SLC25A43: variants seen among roughly 807,000 people sequenced by gnomAD.
The protein encoded by SLC25A43 is solute carrier family 25, member 43.
A neutral mutation model predicts 22.8 loss-of-function variants in SLC25A43; 10 were observed. The ratio of observed to expected loss-of-function variants is 0.44; its 90% CI spans 0.27 to 0.74. The LOEUF (loss-of-function observed/expected upper bound fraction) is 0.74. SLC25A43 is among the 30% of genes least tolerant of loss of function. The pLI, the probability that SLC25A43 is intolerant of heterozygous loss-of-function variation, is 0.17. For synonymous variants in SLC25A43, 106 were observed against 121.6 expected (o/e 0.87, Z 0.84); for missense variants, 233 against 279.1 (o/e 0.83, Z 1.18).
chrX:119,401,808 G>A (rs762007482), intron 1 of SLC25A43, among the ~76,000 whole-genome samples: 33 of 110,392 alleles, frequency 3.0e-4, no homozygotes, highest in Non-Finnish European at 5.9e-4. Context: ...GATGACTAGA[G>A]AGGAGGAAGA....
Position 119,452,795 on chromosome X carries a change from A to C in SLC25A43, c.826-70A>C, listed in dbSNP as rs2052716287. The C allele has an allele frequency of 6.9e-6, 6 of 868,404 alleles. No homozygotes were observed. The Admixed American group carries it at 1.3e-4, about 19-fold the overall frequency. The allele number at this position is 868,404 out of a possible 1,213,427, so 71.6% of individuals were successfully genotyped here. A position where few individuals can be genotyped will look rare whatever the true frequency, so the allele number is the denominator to read the frequency against. ...TTACAAGATAATTTACCCTGATCCA[A>C]GTTGACTGCAGACACATTGATGTTT... On this transcript the variant is annotated intron_variant, in intron 4 of 4. Coordinates refer to ENST00000217909, the MANE Select transcript of SLC25A43 (RefSeq NM_145305.3).
intron 1 of SLC25A43, among the ~76,000 whole-genome samples, chrX:119,401,786 G>A (rs192766461): frequency 1.6e-4 from 18 of 110,384 alleles, no homozygotes; most frequent in Non-Finnish European, 2.6e-4. Context: ...TCGTCACATC[G>A]TGGCAGAGTA....
chrX:119,442,951 A>T (rs1181888460), intron 3 of SLC25A43, among the ~76,000 whole-genome samples: 1 of 111,345 alleles, frequency 9.0e-6, no homozygotes, highest in East Asian at 2.8e-4. Context: ...AAGGCACTAG[A>T]GATACGAAAA....
At chrX:119,403,577 C>T (rs1238567294) in intron 1 of SLC25A43, among the ~76,000 whole-genome samples, 3 of 112,063 alleles carry the variant, frequency 2.7e-5, no homozygotes, top group Non-Finnish European at 5.6e-5. Flanking sequence ...CGTGAGCCAC[C>T]ACGCCCAGCC....
At chrX:119,445,038 CAAAAAAAAAAA>C (rs780253357) in intron 3 of SLC25A43, among the ~76,000 whole-genome samples, 7 of 35,530 alleles carry the variant, frequency 2.0e-4, no homozygotes, top group African/African-American at 6.1e-4. Flanking sequence ...ACCCTGTCTC[CAAAAAAAAAAA>C]AAAAAAAAAA....
chrX:119,402,357 C>T (rs2052245800), intron 1 of SLC25A43, among the ~76,000 whole-genome samples: 1 of 111,685 alleles, frequency 9.0e-6, no homozygotes, highest in Non-Finnish European at 1.9e-5. Context: ...GATTGACGAT[C>T]AAGAGTCCAC....
intron 3 of SLC25A43, among the ~76,000 whole-genome samples, chrX:119,433,792 A>C (rs968948900): frequency 5.4e-5 from 6 of 111,709 alleles, no homozygotes; most frequent in African/African-American, 2.0e-4. Flanking sequence ...AGGTACTGGG[A>C]GTAGAGCTGA....
At position 119,452,978 on chromosome X, in the gene SLC25A43, C is replaced by T. The variant is rs776320551; in HGVS notation, c.939C>T (p.Val313=). 9 of 1,210,931 alleles carry T rather than the reference C, an allele frequency of 7.4e-6. No individual in the cohort carries two copies. The South Asian group carries it at 1.4e-4, about 19-fold the overall frequency. The change falls in exon 5 of 5, where the codon GTC becomes GTT. Residue 313 remains valine, a synonymous_variant. Transcript: ENST00000217909. ...TGAGCTATAAATTGACCCCAGGAGT[C>T]GATCAGAGTTTGCAGCCCCAGGAAT... ...SPLSYKLTPG[V]DQSLQPQELR...
chrX:119,430,288 C>T (rs887698576), intron 3 of SLC25A43, among the ~76,000 whole-genome samples: 7 of 112,628 alleles, frequency 6.2e-5, no homozygotes, highest in Non-Finnish European at 1.3e-4. Context: ...AATTCTTTAG[C>T]GCTTGCTCTA....
At chrX:119,413,680 C>A (rs1194445304) in intron 3 of SLC25A43, among the ~76,000 whole-genome samples, 1 of 103,825 alleles carries the variant, frequency 9.6e-6, no homozygotes, top group Non-Finnish European at 2.0e-5. Context: ...GCACTCCAGC[C>A]TGGGCGACAG....
At position 119,400,195 on chromosome X, in the gene SLC25A43, C is replaced by T. The variant is rs189170517; in HGVS notation, c.275+517C>T. Among the ~76,000 whole-genome samples the T allele has an allele frequency of 2.2e-3, 238 of 110,196 alleles. 3 individuals are homozygous for T. Among genetic ancestry groups the T allele is most frequent in the African/African-American group, 7.2e-3 (218 of 30,298 alleles). On this transcript the variant is annotated intron_variant, in intron 1 of 4. Transcript: ENST00000217909. ...AAAAGGCCGCAGATTTTTGCCCACA[C>T]ATCTCCCCAACTTAAATGAAGCTTG...
At position 119,410,375 on chromosome X, in the gene SLC25A43, C is replaced by T. The variant is rs1229065745; in HGVS notation, c.690+13C>T. On this transcript the variant is annotated intron_variant, in intron 3 of 4. Coordinates refer to ENST00000217909, the MANE Select transcript of SLC25A43 (RefSeq NM_145305.3). ...GAGAAAGATGCAGGTGAGGAGTTAT[C>T]AGAGTGGGGTAGGGGGTGGAATGCT... 1.7e-6 allele frequency: 2 copies of T among 1,209,110 alleles called. No individual in the cohort carries two copies. The highest frequency in any genetic ancestry group is 3.5e-5 in the South Asian group (2 of 56,841).
intron 3 of SLC25A43, among the ~76,000 whole-genome samples, chrX:119,427,252 C>T (rs2052514758): frequency 8.9e-6 from 1 of 111,866 alleles, no homozygotes; most frequent in African/African-American, 3.2e-5. Flanking sequence ...CAACCCCCAC[C>T]CCCAATCACC....
intron 3 of SLC25A43, among the ~76,000 whole-genome samples, chrX:119,443,722 TTTTATTTA>T (rs771760005): frequency 7.5e-5 from 8 of 106,790 alleles, no homozygotes; most frequent in African/African-American, 2.4e-4. Flanking sequence ...GAGAATTATT[TTTTATTTA>T]TTTATTTATT....
intron 1 of SLC25A43, among the ~76,000 whole-genome samples, chrX:119,402,106 A>G: frequency 8.9e-6 from 1 of 112,361 alleles, no homozygotes; most frequent in Non-Finnish European, 1.9e-5. Flanking sequence ...CTCTTGATTC[A>G]TCATTATACT....
chrX:119,426,941 G>C (rs966748862), intron 3 of SLC25A43, among the ~76,000 whole-genome samples: 2 of 111,545 alleles, frequency 1.8e-5, no homozygotes, highest in Non-Finnish European at 3.8e-5. Flanking sequence ...GATGAGCAGC[G>C]ACAGGAATCG....
At chrX:119,408,441 T>G (rs1442016666) in intron 2 of SLC25A43, among the ~76,000 whole-genome samples, 1 of 111,193 alleles carries the variant, frequency 9.0e-6, no homozygotes, top group African/African-American at 3.3e-5. Flanking sequence ...GCCCCCCTGT[T>G]GTGGCACACA....
chrX:119,429,156 A>G (rs2052533529), intron 3 of SLC25A43, among the ~76,000 whole-genome samples: 1 of 107,205 alleles, frequency 9.3e-6, no homozygotes, highest in East Asian at 2.9e-4. Flanking sequence ...GGTTCAAGCG[A>G]TTCTCCTGCC....
At chrX:119,424,017 A>G (rs949084833) in intron 3 of SLC25A43, 2 of 110,531 alleles carry the variant, frequency 1.8e-5, no homozygotes, top group Non-Finnish European at 3.8e-5. Flanking sequence ...GATCGAGACC[A>G]TCCTGGCTAA....
Sources: allele counts gnomAD v4.1 joint callset (sites outside exome capture counted in the v4.1 genomes callset), GRCh38; gene constraint gnomAD v4.1.1; transcripts MANE v1.5; gene names NCBI Gene and HGNC (gene_info 2026-07-23, HGNC 2026-07-21).